EIF3A: variants seen among roughly 807,000 people sequenced by gnomAD.
The protein encoded by EIF3A is eukaryotic translation initiation factor 3 subunit A.
EIF3A carries 21 observed loss-of-function variants against 186.6 expected under a neutral mutation model. The ratio of observed to expected loss-of-function variants is 0.11; its 90% CI spans 0.08 to 0.16. The LOEUF (loss-of-function observed/expected upper bound fraction) is 0.16, where lower values mean the gene tolerates loss of function less well. Among genes scored for constraint, EIF3A ranks in the 10% least tolerant of loss-of-function variants. The probability of loss-of-function intolerance (pLI) is 1.00; values close to 1 mark genes in which losing one functional copy is unlikely to be tolerated. For synonymous variants in EIF3A, 563 were observed against 584.3 expected (o/e 0.96, Z 0.52); for missense variants, 1,306 against 1,796.3 (o/e 0.73, Z 4.93).
Position 119,038,258 on chromosome 10 carries a change from C to A in EIF3A, c.3708G>T (p.Glu1236Asp). 1 of 1,613,962 alleles carries A rather than the reference C, an allele frequency of 6.2e-7. No individual in the cohort carries two copies. Among genetic ancestry groups the A allele is most frequent in the Admixed American group, 1.7e-5 (1 of 59,966 alleles). ...CACACCTAGGTCTTCTGAAGCGATC[C>A]TCTCGATCCACATCTCTCTCTCTGT... is the stretch of plus-strand genomic sequence containing the variant. Reference protein sequence around the residue: ...ERDRERDVDREDRFRRPRDEG... With the variant: ...ERDRERDVDRDDRFRRPRDEG... The change falls in exon 20 of 22, where the codon GAG (glutamate) becomes GAT (aspartate). Residue 1236 changes from glutamate to aspartate, a missense_variant. Coordinates refer to ENST00000369144, the MANE Select transcript of EIF3A (RefSeq NM_003750.4).
chr10:119,074,053 C>T, intron 1 of EIF3A, 116 bp from the exon 2 acceptor site: 1 of 881,404 alleles, frequency 1.1e-6, no homozygotes, highest in Admixed American at 3.4e-5. Context: ...TACCAAGTTA[C>T]ATTTATTTTT....
intron 12 of EIF3A, 122 bp from the exon 13 acceptor site, chr10:119,057,162 G>A: frequency 1.6e-6 from 1 of 618,758 alleles, no homozygotes. Context: ...TGATAATTTA[G>A]GAAATGTAAA....
chr10:119,080,264 G>C, intron 1 of EIF3A: 1 of 970,494 alleles, frequency 1.0e-6, no homozygotes, highest in Non-Finnish European at 1.2e-6. Context: ...CCGGGGACGC[G>C]GGCCCTAAGC....
chr10:119,080,596 C>A, intron 1 of EIF3A, 32 bp downstream of exon 1: 1 of 1,566,920 alleles, frequency 6.4e-7, no homozygotes, highest in Non-Finnish European at 8.6e-7. Flanking sequence ...CTCGGGCCGC[C>A]CCAGCCCGGC....
At chr10:119,053,919 T>G (rs116823625) in intron 14 of EIF3A, among the ~76,000 whole-genome samples, 172 of 152,236 alleles carry the variant, frequency 1.1e-3, no homozygotes, top group African/African-American at 4.0e-3. Context: ...CAGCTTCCTT[T>G]ATTGATTGAT....
At chr10:119,072,243 TAAA>T (rs68078133) in intron 4 of EIF3A, among the ~76,000 whole-genome samples, 1 of 122,830 alleles carries the variant, frequency 8.1e-6, no homozygotes, top group Non-Finnish European at 1.7e-5. Context: ...TCAAGTTCAC[TAAA>T]AAAAAAAAAA....
At chr10:119,045,863 G>C (rs949388825) in intron 17 of EIF3A, among the ~76,000 whole-genome samples, 2 of 152,128 alleles carry the variant, frequency 1.3e-5, no homozygotes, top group Non-Finnish European at 2.9e-5. Flanking sequence ...CAATGTGCCC[G>C]GCCCAGCAGA....
intron 1 of EIF3A, among the ~76,000 whole-genome samples, chr10:119,079,855 G>A (rs573493886): frequency 1.3e-5 from 2 of 152,296 alleles, no homozygotes; most frequent in South Asian, 2.1e-4. Context: ...GTGACCTTGG[G>A]GAAACCTCTC....
rs770849423 is a variant in EIF3A at position 119,049,966 on chromosome 10, G to A, written c.2493C>T (p.Arg831=). ...QMLKEREERE[R]AERAKREEEL... ...CTTCCTCGCGTTTTGCTCGTTCGGC[G>A]CGCTCTCTCTCTTCCCGCTCTAGAC... Residue 831 remains arginine (R), a synonymous_variant, in exon 17 of 22, where the codon CGC becomes CGT. Coordinates refer to ENST00000369144, the MANE Select transcript of EIF3A (RefSeq NM_003750.4). 32 of 1,613,676 alleles carry A rather than the reference G, an allele frequency of 2.0e-5. No homozygotes were observed. The highest frequency in any genetic ancestry group is 3.3e-4 in the Middle Eastern group (2 of 6,082).
At chr10:119,075,664 A>ATG (rs1302411289) in intron 1 of EIF3A, among the ~76,000 whole-genome samples, 1 of 139,790 alleles carries the variant, frequency 7.2e-6, no homozygotes, top group Non-Finnish European at 1.5e-5. Flanking sequence ...ATATATATAT[A>ATG]TATCTCCTTT....
At chr10:119,055,188 C>T (rs1379310438) in intron 14 of EIF3A, among the ~76,000 whole-genome samples, 2 of 152,032 alleles carry the variant, frequency 1.3e-5, no homozygotes, top group African/African-American at 2.4e-5. Context: ...CCAGCCTGGG[C>T]GACAGAATGA....
Position 119,036,173 on chromosome 10 carries a change from G to A in EIF3A, c.4015C>T (p.Arg1339Ter), listed in dbSNP as rs761822661. Residue 1339 changes from arginine (R) to a stop codon, truncating the protein, a stop_gained, in exon 22 of 22, where the codon CGA becomes TGA. Transcript: ENST00000369144. LOFTEE classifies it high-confidence loss of function. ...CTTTCTCGGTCTCGGTCTCTTTCTCGGTCTCTTGAAAGAGCTGGGGGAGGA... is the reference window on the plus strand; with the variant it reads ...CTTTCTCGGTCTCGGTCTCTTTCTCAGTCTCTTGAAAGAGCTGGGGGAGGA... ...RVPPPALSRDRERDRDREREG... is the reference protein window; with the variant it reads ...RVPPPALSRD The A allele has an allele frequency of 1.2e-6, 2 of 1,612,862 alleles. No homozygotes were observed. Among genetic ancestry groups the A allele is most frequent in the Non-Finnish European group, 8.5e-7 (1 of 1,179,768 alleles).
At chr10:119,055,347 A>G (rs1370377976) in intron 14 of EIF3A, among the ~76,000 whole-genome samples, 3 of 152,218 alleles carry the variant, frequency 2.0e-5, no homozygotes, top group Admixed American at 1.3e-4. Flanking sequence ...ACCGCCTTCT[A>G]TGAGTGTGGT....
chr10:119,059,802 G>T, intron 9 of EIF3A, 84 bp from the exon 10 acceptor site: 1 of 890,914 alleles, frequency 1.1e-6, no homozygotes. Context: ...GTCATGGGAA[G>T]TAGAAATTAT....
Position 119,080,767 on chromosome 10 carries a change from C to G in EIF3A, c.-91G>C. The G allele has an allele frequency of 6.7e-7, 1 of 1,496,804 alleles. No individual in the cohort carries two copies. The highest frequency in any genetic ancestry group is 1.3e-5 in the South Asian group (1 of 79,082). The allele number at this position is 1,496,804 out of a possible 1,614,324, so 92.7% of individuals were successfully genotyped here. A position where few individuals can be genotyped will look rare whatever the true frequency, so the allele number is the denominator to read the frequency against. On this transcript the variant is annotated 5_prime_UTR_variant, in exon 1 of 22. Coordinates refer to ENST00000369144, the MANE Select transcript of EIF3A (RefSeq NM_003750.4). Reference sequence around the variant, plus strand: ...ACGAAGGGGAACCAGCGTAAGGTCCCACGCGCCTCGCCAGCAGTCGCCCGC... The same window carrying G: ...ACGAAGGGGAACCAGCGTAAGGTCCGACGCGCCTCGCCAGCAGTCGCCCGC...
chr10:119,035,964 G>A lies in EIF3A; in HGVS notation c.*75C>T. On this transcript the variant is annotated 3_prime_UTR_variant, in exon 22 of 22. Coordinates refer to ENST00000369144, the MANE Select transcript of EIF3A (RefSeq NM_003750.4). Reference sequence around the variant, plus strand: ...TTAAAGAATCCAATTTAGATTGGTTGAAGCACAAGTATAATAATCCTTGAA... The same window carrying A: ...TTAAAGAATCCAATTTAGATTGGTTAAAGCACAAGTATAATAATCCTTGAA... 1 of 1,141,322 alleles carries A rather than the reference G, an allele frequency of 8.8e-7. No individual in the cohort carries two copies. The highest frequency in any genetic ancestry group is 1.3e-6 in the Non-Finnish European group (1 of 762,940). 70.7% of individuals were successfully genotyped at this position (1,141,322 alleles called of 1,614,324 possible). A position where few individuals can be genotyped will look rare whatever the true frequency, so the allele number is the denominator to read the frequency against.
chr10:119,039,969 A>G (rs1848186151), intron 19 of EIF3A, among the ~76,000 whole-genome samples: 1 of 152,212 alleles, frequency 6.6e-6, no homozygotes, highest in Non-Finnish European at 1.5e-5. Flanking sequence ...GCAACTGTAT[A>G]AAATATAATT....
intron 3 of EIF3A, 42 bp from the exon 4 acceptor site, chr10:119,073,095 C>T (rs779386223): frequency 6.4e-7 from 1 of 1,562,548 alleles, no homozygotes; most frequent in East Asian, 2.3e-5. Context: ...AGACAGTTTC[C>T]TACTTTGCCA....
Position 119,042,291 on chromosome 10 carries a change from G to A in EIF3A, c.3229C>T (p.Arg1077Trp), listed in dbSNP as rs375388729. The stretch of plus-strand genomic sequence containing the variant: ...TCATCCATGCCTCGCCTGGGACCCC[G>A]ATCATCATCCAACCCTCGCCTGGGA... ...RGPRRGLDDD[R>W]GPRRGMDDDR... Residue 1077 changes from arginine to tryptophan, a missense_variant, in exon 19 of 22, where the codon CGG becomes TGG. Physicochemically the swap from Arg to Trp is moderately radical, Grantham distance 101. Transcript: ENST00000369144. This position sits in a 1 kb window ranked among gnomAD's most constrained non-coding sequence, Gnocchi z 7.8. The A allele has an allele frequency of 5.6e-6, 9 of 1,611,990 alleles. No individual in the cohort carries two copies. Among genetic ancestry groups the A allele is most frequent in the Admixed American group, 3.3e-5 (2 of 59,818 alleles).
Sources: gnomAD v4.1 joint callset for allele counts (sites outside exome capture counted in the v4.1 genomes callset) on GRCh38, gnomAD v4.1.1 for gene constraint, Gnocchi (gnomAD v3.1) non-coding constraint, MANE v1.5 for transcripts, NCBI Gene and HGNC (gene_info 2026-07-23, HGNC 2026-07-21) for gene names.